Variants in ITGA4 observed in about 807,000 individuals in gnomAD.
ITGA4 encodes integrin subunit alpha 4.
ITGA4 carries 63 observed loss-of-function variants against 133.6 expected under a neutral mutation model. That is an observed-to-expected ratio of 0.47 (90% confidence interval 0.38 to 0.58). ITGA4 has a LOEUF of 0.58. Among genes scored for constraint, ITGA4 ranks in the 20% least tolerant of loss-of-function variants. The pLI is 0.00. For synonymous variants in ITGA4, 483 were observed against 438.0 expected, an observed-to-expected ratio of 1.10 and a Z score of -1.28; for missense variants, 1,076 against 1,252.7, an observed-to-expected ratio of 0.86 and a Z score of 2.13.
intron 27 of ITGA4, 77 bp from the exon 28 acceptor site, chr2:181,535,355 T>C: frequency 8.9e-7 from 1 of 1,119,396 alleles, no homozygotes; most frequent in East Asian, 2.5e-5. Flanking sequence ...GTTAACTGCT[T>C]AGATATTAGA....
chr2:181,524,563 G>T (rs186515283), intron 20 of ITGA4, among the ~76,000 whole-genome samples: 1 of 152,054 alleles, frequency 6.6e-6, no homozygotes, highest in Non-Finnish European at 1.5e-5. Flanking sequence ...AAAAGTGAGG[G>T]TAATGACTTC....
intron 2 of ITGA4, among the ~76,000 whole-genome samples, chr2:181,466,013 C>G (rs1309390919): frequency 2.0e-5 from 3 of 152,134 alleles, no homozygotes; most frequent in Non-Finnish European, 2.9e-5. Context: ...TAGAGACTAA[C>G]TTTCCCTCTT....
chr2:181,502,731 C>T (rs1158171391), intron 15 of ITGA4, among the ~76,000 whole-genome samples: 9 of 151,992 alleles, frequency 5.9e-5, no homozygotes, highest in Admixed American at 5.9e-4. Flanking sequence ...GGGAGAGTAA[C>T]AAAATACAGG....
intron 4 of ITGA4, chr2:181,475,711 T>C: frequency 7.2e-7 from 1 of 1,391,858 alleles, no homozygotes. Flanking sequence ...AGCAAATCTT[T>C]CATTCGCACT....
chr2:181,458,474 T>C (rs890322883), intron 2 of ITGA4, 157 bp downstream of exon 2: 23 of 759,094 alleles, frequency 3.0e-5, no homozygotes, highest in Non-Finnish European at 4.8e-5. Context: ...GCCTCCTTAA[T>C]ATAAAAGGGA....
chr2:181,464,442 A>C (rs1035215707), intron 2 of ITGA4, among the ~76,000 whole-genome samples: 1 of 152,164 alleles, frequency 6.6e-6, no homozygotes, highest in South Asian at 2.1e-4. Flanking sequence ...GGCATGGTTA[A>C]AGCCCTTGAG....
chr2:181,510,049 A>G lies in ITGA4; in HGVS notation c.1845+242A>G, dbSNP rs116463971. Among the ~76,000 whole-genome samples the G allele has an allele frequency of 2.4e-3, 360 of 152,174 alleles. 3 individuals carry two copies. Among genetic ancestry groups the G allele is most frequent in the African/African-American group, 7.9e-3 (330 of 41,530 alleles). On this transcript the variant is annotated intron_variant, in intron 16 of 27. Coordinates refer to ENST00000397033, the MANE Select transcript of ITGA4 (RefSeq NM_000885.6). ...TTCTCATATAAAATGCTGATGTTCT[A>G]TTTTTAATGCCTTGCCAGTGAAGAA...
At chr2:181,484,859 C>G (rs893561865) in intron 9 of ITGA4, among the ~76,000 whole-genome samples, 3 of 152,140 alleles carry the variant, frequency 2.0e-5, no homozygotes, top group East Asian at 1.9e-4. Context: ...CAGAATTTTT[C>G]TATTGGAAAA....
intron 15 of ITGA4, among the ~76,000 whole-genome samples, chr2:181,507,709 G>A (rs1012371123): frequency 2.0e-5 from 3 of 152,130 alleles, no homozygotes; most frequent in Admixed American, 1.3e-4. Flanking sequence ...GTAATACAAT[G>A]TAAATGCTAT....
Position 181,480,110 on chromosome 2 carries a change from A to G in ITGA4, c.625-27A>G, listed in dbSNP as rs201528483. 215 of 1,463,380 alleles carry G rather than the reference A, an allele frequency of 1.5e-4. 1 individual carries two copies. In the Admixed American group the frequency reaches 5.7e-3, roughly 39 times the overall value. The allele number at this position is 1,463,380 out of a possible 1,614,324, so 90.6% of individuals were successfully genotyped here. On this transcript the variant is annotated intron_variant, in intron 5 of 27. Transcript: ENST00000397033. The stretch of plus-strand genomic sequence containing the variant: ...TTGGGGTGGTGAGATTAAAGTTTAA[A>G]TAATAATAGTTTTTTTTTTCTTACA...
intron 15 of ITGA4, among the ~76,000 whole-genome samples, chr2:181,499,945 C>T (rs1232231785): frequency 1.3e-5 from 2 of 152,098 alleles, no homozygotes; most frequent in Non-Finnish European, 2.9e-5. Flanking sequence ...TTCTTGGCAT[C>T]GTTCCTGTAA....
chr2:181,458,164 G>C, intron 1 of ITGA4, 32 bp from the exon 2 acceptor site: 1 of 1,613,676 alleles, frequency 6.2e-7, no homozygotes. Context: ...CACAGCTCAC[G>C]TCTGAGCGCA....
At chr2:181,507,844 C>G (rs550158616) in intron 15 of ITGA4, among the ~76,000 whole-genome samples, 6 of 152,086 alleles carry the variant, frequency 3.9e-5, no homozygotes, top group Non-Finnish European at 8.8e-5. Flanking sequence ...GCTGAACCCA[C>G]AGATGTGGAA....
chr2:181,517,284 A>G (rs1686625382), intron 17 of ITGA4, among the ~76,000 whole-genome samples: 1 of 152,082 alleles, frequency 6.6e-6, no homozygotes, highest in African/African-American at 2.4e-5. Flanking sequence ...CAAGTTAGCT[A>G]TCAAGCCCTA....
At chr2:181,485,167 A>G (rs1368628407) in intron 9 of ITGA4, among the ~76,000 whole-genome samples, 1 of 152,194 alleles carries the variant, frequency 6.6e-6, no homozygotes, top group Non-Finnish European at 1.5e-5. Context: ...AGAAACCTTC[A>G]GTGTTTAGTA....
chr2:181,475,807 C>T (rs1214423345), intron 4 of ITGA4: 1 of 1,593,108 alleles, frequency 6.3e-7, no homozygotes, highest in Non-Finnish European at 8.5e-7. Context: ...CTCATGGTAA[C>T]TCTATGCTAT....
chr2:181,531,587 A>G (rs1006021458), intron 24 of ITGA4, 70 bp from the exon 25 acceptor site: 7 of 820,946 alleles, frequency 8.5e-6, no homozygotes, highest in African/African-American at 7.2e-5. Context: ...ATTAAATTCT[A>G]TATAAAATAT....
At chr2:181,503,233 T>C (rs6706626) in intron 15 of ITGA4, among the ~76,000 whole-genome samples, 151,216 of 152,236 alleles carry the variant, frequency 0.99, 75,117 homozygotes, top group Middle Eastern at 1. Context: ...AAATCCATTG[T>C]GTTCTTTGAT....
intron 22 of ITGA4, among the ~76,000 whole-genome samples, chr2:181,529,298 T>A (rs1686894328): frequency 6.6e-6 from 1 of 152,200 alleles, no homozygotes. Context: ...GCCTGTACTT[T>A]TTGTTTTCAA....
Sources: gnomAD v4.1 joint callset for allele counts (sites outside exome capture counted in the v4.1 genomes callset) on GRCh38, gnomAD v4.1.1 for gene constraint, MANE v1.5 for transcripts, NCBI Gene and HGNC (gene_info 2026-07-23, HGNC 2026-07-21) for gene names.